LRRC42: variants seen among roughly 807,000 people sequenced by gnomAD.
LRRC42 encodes the protein leucine-rich repeat-containing protein 42.
A neutral mutation model predicts 44.3 loss-of-function variants in LRRC42; 43 were observed. That is an observed-to-expected ratio of 0.97 (90% CI 0.76 to 1.25). The LOEUF (loss-of-function observed/expected upper bound fraction) is 1.25. Ranked by LOEUF, LRRC42 falls within the 50% of genes most tolerant of loss-of-function variation. The pLI, the probability that LRRC42 is intolerant of heterozygous loss-of-function variation, is 0.00. For synonymous variants in LRRC42, 207 were observed against 195.2 expected (o/e 1.06, Z -0.50); for missense variants, 540 against 509.1 (o/e 1.06, Z -0.58).
chr1:53,967,117 T>C (rs1266164568), intron 8 of LRRC42, among the ~76,000 whole-genome samples: 1 of 152,194 alleles, frequency 6.6e-6, no homozygotes, highest in Non-Finnish European at 1.5e-5. Flanking sequence ...TATTTTATCA[T>C]GATTTTAAAA....
In LRRC42 at chr1:53,968,101, T is replaced by TGCTATGG; in HGVS notation, c.*162_*163insGCTATGG. 1 of 653,088 alleles carries TGCTATGG rather than the reference T, an allele frequency of 1.5e-6. No individual in the cohort carries two copies. Among genetic ancestry groups the TGCTATGG allele is most frequent in the Non-Finnish European group, 2.6e-6 (1 of 388,632 alleles). 40.5% of individuals were successfully genotyped at this position (653,088 alleles called of 1,614,324 possible). A position where few individuals can be genotyped will look rare whatever the true frequency, so the allele number is the denominator to read the frequency against. ...GGGAGGGGAATGCTATGGAAGTATG[T>TGCTATGG]AATAATTTCTAATGTATATTTTCAA... On this transcript the variant is annotated 3_prime_UTR_variant, in exon 9 of 9. Coordinates refer to ENST00000371370, the MANE Select transcript of LRRC42 (RefSeq NM_001256409.2).
At chr1:53,962,216 G>A in intron 6 of LRRC42, 80 bp from the exon 7 acceptor site, 1 of 1,433,996 alleles carries the variant, frequency 7.0e-7, no homozygotes. Flanking sequence ...TGGTATTTAT[G>A]ATGGTCTTTA....
At chr1:53,967,396 C>T (rs1335662260) in intron 8 of LRRC42, among the ~76,000 whole-genome samples, 1 of 152,144 alleles carries the variant, frequency 6.6e-6, no homozygotes, top group Non-Finnish European at 1.5e-5. Context: ...GGTGATTAAA[C>T]AGAATCTCAG....
intron 2 of LRRC42, among the ~76,000 whole-genome samples, chr1:53,950,019 A>T (rs1327467253): frequency 6.6e-6 from 1 of 152,234 alleles, no homozygotes; most frequent in Non-Finnish European, 1.5e-5. Context: ...AAGATAGATG[A>T]ATCAAATAAG....
intron 5 of LRRC42, 111 bp downstream of exon 5, chr1:53,960,585 C>T (rs909801619): frequency 3.2e-5 from 25 of 781,468 alleles, no homozygotes; most frequent in Admixed American, 8.4e-5. Flanking sequence ...TGACTTTCCT[C>T]GGTGCCATAG....
chr1:53,950,788 A>G (rs925646625), intron 2 of LRRC42, among the ~76,000 whole-genome samples: 1 of 152,246 alleles, frequency 6.6e-6, no homozygotes, highest in African/African-American at 2.4e-5. Flanking sequence ...TATTACCCAC[A>G]TGACTGCAGA....
Position 53,958,293 on chromosome 1 carries a change from C to T in LRRC42, c.605+13C>T, listed in dbSNP as rs769110663. 5.6e-6 allele frequency: 9 copies of T among 1,612,386 alleles called. No homozygotes were observed. The highest frequency in any genetic ancestry group is 2.2e-5 in the East Asian group (1 of 44,804). On this transcript the variant is annotated intron_variant, in intron 4 of 8. Transcript: ENST00000371370. ...AAGCCCTGTCTAGGTACTGACCTGT[C>T]ACCACTTGCAGATGAATTGTTTCAG...
In LRRC42 at chr1:53,952,033, G is replaced by T. The variant is rs1654699085; in HGVS notation, c.34G>T (p.Asp12Tyr). ...SYYLSSENHL[D>Y]PGPIYMRENG... is the part of the protein sequence containing the mutation. The stretch of plus-strand genomic sequence containing the variant: ...CTACCTCAGCTCAGAAAACCACCTG[G>T]ACCCAGGGCCCATCTACATGCGAGA... Residue 12 changes from aspartate to tyrosine, a missense_variant, in exon 3 of 9, where the codon GAC (aspartate) becomes TAC (tyrosine). Coordinates refer to ENST00000371370, the MANE Select transcript of LRRC42 (RefSeq NM_001256409.2). 6.2e-7 allele frequency: 1 copy of T among 1,613,914 alleles called. No individual in the cohort carries two copies. Among genetic ancestry groups the T allele is most frequent in the East Asian group, 2.2e-5 (1 of 44,890 alleles).
chr1:53,958,662 C>T (rs534821540), intron 4 of LRRC42, among the ~76,000 whole-genome samples: 2 of 152,294 alleles, frequency 1.3e-5, no homozygotes, highest in South Asian at 2.1e-4. Flanking sequence ...TCTCAGCTCA[C>T]CGCAACCTCC....
intron 7 of LRRC42, among the ~76,000 whole-genome samples, chr1:53,965,247 AGTGCT>A (rs1377134354): frequency 2.0e-5 from 3 of 151,720 alleles, no homozygotes; most frequent in Non-Finnish European, 4.4e-5. Flanking sequence ...GGCCTCTCAA[AGTGCT>A]GGGATTACAG....
rs78276851 is a variant in LRRC42, at chr1:53,958,144, C to T, written c.474-5C>T. 5,545 of 1,613,376 alleles carry T rather than the reference C, an allele frequency of 3.4e-3. 15 individuals carry two copies. Among genetic ancestry groups the T allele is most frequent in the Non-Finnish European group, 4.3e-3 (5,087 of 1,179,600 alleles). On this transcript the variant is annotated splice_region_variant and splice_polypyrimidine_tract_variant and intron_variant, in intron 3 of 8. Coordinates refer to ENST00000371370, the MANE Select transcript of LRRC42 (RefSeq NM_001256409.2). Reference sequence around the variant, plus strand: ...AAGCTATTGATTGCTCTCCACGCTCCGTAGGTATCTCGTGATTTCAGAAAA... The same window carrying T: ...AAGCTATTGATTGCTCTCCACGCTCTGTAGGTATCTCGTGATTTCAGAAAA...
In LRRC42 at chr1:53,958,179, GATTA is replaced by G; in HGVS notation, c.506_509del (p.Ile169SerfsTer6). The G allele has an allele frequency of 6.2e-7, 1 of 1,613,942 alleles. No individual in the cohort carries two copies. The highest frequency in any genetic ancestry group is 1.1e-5 in the South Asian group (1 of 91,072). On this transcript the variant is annotated frameshift_variant, in exon 4 of 9. Coordinates refer to ENST00000371370, the MANE Select transcript of LRRC42 (RefSeq NM_001256409.2). LOFTEE classifies it high-confidence loss of function. ...TCGTGATTTCAGAAAAGCTTGAGGAGATTAAGTCTTTCCGGGAGCTGACCTGCCT... is the reference window on the plus strand; with the variant it reads ...TCGTGATTTCAGAAAAGCTTGAGGAGAGTCTTTCCGGGAGCTGACCTGCCT...
At chr1:53,965,595 C>G (rs899666363) in intron 7 of LRRC42, among the ~76,000 whole-genome samples, 1 of 150,584 alleles carries the variant, frequency 6.6e-6, no homozygotes, top group Non-Finnish European at 1.5e-5. Flanking sequence ...TTCTCCTGCC[C>G]CAGCCTCCCG....
intron 7 of LRRC42, 139 bp from the exon 8 acceptor site, chr1:53,966,157 T>C (rs1411974198): frequency 1.6e-6 from 1 of 638,518 alleles, no homozygotes; most frequent in South Asian, 2.0e-5. Flanking sequence ...TTGGTTCTTA[T>C]TCTTATCACC....
chr1:53,953,362 T>C (rs539577918), intron 3 of LRRC42, among the ~76,000 whole-genome samples: 1 of 152,222 alleles, frequency 6.6e-6, no homozygotes, highest in Non-Finnish European at 1.5e-5. Context: ...TTGTAGATTT[T>C]TTTTTGTTTT....
chr1:53,961,491 A>G lies in LRRC42; in HGVS notation c.725-543A>G, dbSNP rs532787848. Among the ~76,000 whole-genome samples, 123 of 152,246 alleles carry G rather than the reference A, an allele frequency of 8.1e-4. 2 individuals are homozygous for G. The highest frequency in any genetic ancestry group is 5.8e-3 in the South Asian group (28 of 4,826). On this transcript the variant is annotated intron_variant, in intron 5 of 8. Transcript: ENST00000371370. The stretch of plus-strand genomic sequence containing the variant: ...TTCAACAAATATTTTTTGAGCATCT[A>G]CAATGTGCCAGGCACTACGCTTATG...
At chr1:53,963,282 A>G (rs1345084446) in intron 7 of LRRC42, among the ~76,000 whole-genome samples, 3 of 152,204 alleles carry the variant, frequency 2.0e-5, no homozygotes, top group Non-Finnish European at 4.4e-5. Context: ...TGATGAAATA[A>G]TTATCATGGT....
intron 3 of LRRC42, among the ~76,000 whole-genome samples, chr1:53,953,082 A>C (rs920732127): frequency 6.6e-6 from 1 of 152,244 alleles, no homozygotes; most frequent in Non-Finnish European, 1.5e-5. Flanking sequence ...AAACTTGCAA[A>C]AACAATAAAA....
chr1:53,947,350 C>T (rs1317001060), intron 1 of LRRC42, among the ~76,000 whole-genome samples: 1 of 151,678 alleles, frequency 6.6e-6, no homozygotes, highest in Non-Finnish European at 1.5e-5. Context: ...CTGGCATGTT[C>T]TTGGAGGGAA....
Sources: gnomAD v4.1 joint callset for allele counts (sites outside exome capture counted in the v4.1 genomes callset) on GRCh38, gnomAD v4.1.1 for gene constraint, MANE v1.5 for transcripts, NCBI Gene and HGNC (gene_info 2026-07-23, HGNC 2026-07-21) for gene names.